SZT2: variants seen among roughly 807,000 people sequenced by gnomAD.
SZT2 encodes the protein KICSTOR complex protein SZT2.
A neutral mutation model predicts 404.2 loss-of-function variants in SZT2; 216 were observed. That is an observed-to-expected ratio of 0.53 (90% CI 0.48 to 0.60). The LOEUF (loss-of-function observed/expected upper bound fraction) is 0.60, where lower values mean the gene tolerates loss of function less well. SZT2 is among the 20% of genes least tolerant of loss of function. The probability of loss-of-function intolerance (pLI) is 0.00; values close to 1 mark genes in which losing one functional copy is unlikely to be tolerated. For missense variants in SZT2, 3,857 were observed against 4,459.2 expected, an observed-to-expected ratio of 0.86 and a Z score of 3.85; for synonymous variants, 1,693 against 1,749.9, an observed-to-expected ratio of 0.97 and a Z score of 0.81.
At chr1:43,392,224 A>ATT (rs772335194) in intron 1 of SZT2, among the ~76,000 whole-genome samples, 1 of 151,518 alleles carries the variant, frequency 6.6e-6, no homozygotes, top group African/African-American at 2.4e-5. Flanking sequence ...GATATTTAAC[A>ATT]TTTTTTTTGG....
At chr1:43,413,832 G>A (rs938691186) in intron 4 of SZT2, among the ~76,000 whole-genome samples, 12 of 152,214 alleles carry the variant, frequency 7.9e-5, no homozygotes, top group Non-Finnish European at 1.5e-4. Context: ...TGGAAGGGGA[G>A]ATGGTTAATG....
rs1653018614 is a variant in SZT2 at position 43,425,381 on chromosome 1, C to T, written c.2646-93C>T. On this transcript the variant is annotated intron_variant, in intron 18 of 71. Coordinates refer to ENST00000634258, the MANE Select transcript of SZT2 (RefSeq NM_001365999.1). This position sits in a 1 kb window ranked among gnomAD's most constrained non-coding sequence, Gnocchi z 4.3. ...TGGTCTGGGAAGGCCTTGTATGACT[C>T]GTGGCTGTCCTCTGTGCCTGCCTCC... 9 of 1,562,624 alleles carry T rather than the reference C, an allele frequency of 5.8e-6. No homozygotes were observed. Among genetic ancestry groups the T allele is most frequent in the Middle Eastern group, 1.7e-4 (1 of 5,830 alleles).
chr1:43,451,415 G>A lies in SZT2; in HGVS notation c.*935G>A, dbSNP rs573479000. 2 of 1,612,772 alleles carry A rather than the reference G, an allele frequency of 1.2e-6. No homozygotes were observed. Among genetic ancestry groups the A allele is most frequent in the African/African-American group, 2.7e-5 (2 of 75,064 alleles). On this transcript the variant is annotated 3_prime_UTR_variant, in exon 72 of 72. Coordinates refer to ENST00000634258, the MANE Select transcript of SZT2 (RefSeq NM_001365999.1). ...TCCCCAGGGCCACGCCTCACCTCGA[G>A]GCTGATACTCACAGCCCACGAAGCC...
Position 43,447,652 on chromosome 1 carries a change from G to C in SZT2, c.9394G>C (p.Gly3132Arg). Residue 3132 changes from glycine (G) to arginine (R), a missense_variant, in exon 67 of 72, where the codon GGG becomes CGG. This residue lies in a region of SZT2 where 717 missense variants were observed against 868.2 expected (regional missense o/e 0.83). Coordinates refer to ENST00000634258, the MANE Select transcript of SZT2 (RefSeq NM_001365999.1). Reference sequence around the variant, plus strand: ...GAAGCCATTGCGAATGGCCCGGCCAGGGGGCCCAGAACACAACGAGTATGC... The same window carrying C: ...GAAGCCATTGCGAATGGCCCGGCCACGGGGCCCAGAACACAACGAGTATGC... ...HMKPLRMARP[G>R]GPEHNEYALV... 1.2e-6 allele frequency: 2 copies of C among 1,614,182 alleles called. No individual in the cohort carries two copies. Among genetic ancestry groups the C allele is most frequent in the Non-Finnish European group, 1.7e-6 (2 of 1,180,038 alleles).
Position 43,439,153 on chromosome 1 carries a change from C to G in SZT2, c.6792+60C>G. 1 of 1,606,194 alleles carries G rather than the reference C, an allele frequency of 6.2e-7. No individual in the cohort carries two copies. The highest frequency in any genetic ancestry group is 1.7e-4 in the Middle Eastern group (1 of 6,038). ...GCACCCCTGCCCCCTGCCCCACGCA[C>G]TTACTCTTTCCTACCGATACCCCTA... On this transcript the variant is annotated intron_variant, in intron 48 of 71. Transcript: ENST00000634258. The surrounding 1 kb of genome is among the most constrained non-coding windows in gnomAD (Gnocchi z 4.2).
rs1447830564 is a variant in SZT2, at chr1:43,442,911, T to G, written c.8244T>G (p.Ser2748Arg). 1 of 1,613,992 alleles carries G rather than the reference T, an allele frequency of 6.2e-7. No homozygotes were observed. The highest frequency in any genetic ancestry group is 1.6e-4 in the Middle Eastern group (1 of 6,062). Reference protein sequence around the residue: ...PPLSREQGRLSGSSRGGGPLP... With the variant: ...PPLSREQGRLRGSSRGGGPLP... ...TGAGCCGTGAGCAGGGCCGACTGAG[T>G]GGGTCCTCTCGTGGTGGGGGTCCTC... is the stretch of plus-strand genomic sequence containing the variant. Residue 2748 changes from serine (S) to arginine (R), a missense_variant, in exon 59 of 72, where the codon AGT becomes AGG. By Grantham distance (110) the Ser-to-Arg change is moderately radical. Coordinates refer to ENST00000634258, the MANE Select transcript of SZT2 (RefSeq NM_001365999.1). The surrounding 1 kb of genome is among the most constrained non-coding windows in gnomAD (Gnocchi z 4.5).
Position 43,439,166 on chromosome 1 carries a change from A to G in SZT2, c.6792+73A>G. 6.3e-7 allele frequency: 1 copy of G among 1,596,656 alleles called. No individual in the cohort carries two copies. The highest frequency in any genetic ancestry group is 8.6e-7 in the Non-Finnish European group (1 of 1,168,026). Reference sequence around the variant, plus strand: ...CTGCCCCACGCACTTACTCTTTCCTACCGATACCCCTATATGTACCTTTGC... The same window carrying G: ...CTGCCCCACGCACTTACTCTTTCCTGCCGATACCCCTATATGTACCTTTGC... On this transcript the variant is annotated intron_variant, in intron 48 of 71. Coordinates refer to ENST00000634258, the MANE Select transcript of SZT2 (RefSeq NM_001365999.1). The surrounding 1 kb of genome is among the most constrained non-coding windows in gnomAD (Gnocchi z 4.2).
rs1292613185 is a variant in SZT2 at position 43,422,786 on chromosome 1, C to A, written c.1940C>A (p.Pro647His). The A allele has an allele frequency of 1.3e-5, 20 of 1,590,238 alleles. No homozygotes were observed. Among genetic ancestry groups the A allele is most frequent in the Non-Finnish European group, 1.4e-5 (16 of 1,176,270 alleles). The change falls in exon 14 of 72, where the codon CCC (proline) becomes CAC (histidine). Residue 647 changes from proline to histidine, a missense_variant. Coordinates refer to ENST00000634258, the MANE Select transcript of SZT2 (RefSeq NM_001365999.1). ...CTCCCCAGTGCCCCAGACCAGCCCC[C>A]CAATTCCTTCTACATGGTCCGTATC... Reference protein sequence around the residue: ...KLLSSAPDQPPNSFYMVRIIS... With the variant: ...KLLSSAPDQPHNSFYMVRIIS...
In SZT2 at chr1:43,427,993, C is replaced by A; in HGVS notation, c.3804-10C>A. 6.2e-7 allele frequency: 1 copy of A among 1,611,066 alleles called. No individual in the cohort carries two copies. Among genetic ancestry groups the A allele is most frequent in the Non-Finnish European group, 8.5e-7 (1 of 1,177,520 alleles). On this transcript the variant is annotated splice_polypyrimidine_tract_variant and intron_variant, in intron 26 of 71. Transcript: ENST00000634258. ...AGTTGGTCAAGTTCCATTTTCCCTTCGTTTCCTAGGACTCAGTTCCTCGAC... is the reference window on the plus strand; with the variant it reads ...AGTTGGTCAAGTTCCATTTTCCCTTAGTTTCCTAGGACTCAGTTCCTCGAC...
intron 4 of SZT2, among the ~76,000 whole-genome samples, chr1:43,412,954 A>G (rs941010343): frequency 6.6e-5 from 10 of 152,358 alleles, no homozygotes; most frequent in Non-Finnish European, 1.5e-4. Context: ...GAAAACTGCA[A>G]TGAGGTATCA....
intron 41 of SZT2, 58 bp downstream of exon 41, chr1:43,434,543 A>G (rs917444733): frequency 4.0e-5 from 57 of 1,424,946 alleles, no homozygotes; most frequent in Non-Finnish European, 5.4e-5. Flanking sequence ...CCAAATTTCT[A>G]AGAACTTGAT....
At position 43,442,195 on chromosome 1, in the gene SZT2, C is replaced by T. The variant is rs1325295419; in HGVS notation, c.7873+65C>T. On this transcript the variant is annotated intron_variant, in intron 56 of 71. Coordinates refer to ENST00000634258, the MANE Select transcript of SZT2 (RefSeq NM_001365999.1). The surrounding 1 kb of genome is among the most constrained non-coding windows in gnomAD (Gnocchi z 4.5). ...AAGAGTAACTGGTGGGGTCTCCAACCTTGCAGAGGGGAGGGTGGGATCAAG... is the reference window on the plus strand; with the variant it reads ...AAGAGTAACTGGTGGGGTCTCCAACTTTGCAGAGGGGAGGGTGGGATCAAG... The T allele has an allele frequency of 3.1e-6, 5 of 1,599,712 alleles. No homozygotes were observed. The highest frequency in any genetic ancestry group is 1.7e-4 in the Middle Eastern group (1 of 6,012).
At position 43,442,940 on chromosome 1, in the gene SZT2, C is replaced by A; in HGVS notation, c.8273C>A (p.Pro2758His). The change falls in exon 59 of 72, where the codon CCC (proline) becomes CAC (histidine). Residue 2758 changes from proline to histidine, a missense_variant. This residue lies in a region of SZT2 where 573 missense variants were observed against 592.4 expected (regional missense o/e 0.97). Coordinates refer to ENST00000634258, the MANE Select transcript of SZT2 (RefSeq NM_001365999.1). The surrounding 1 kb of genome is among the most constrained non-coding windows in gnomAD (Gnocchi z 4.5). Reference protein sequence around the residue: ...SGSSRGGGPLPLDTFPFDEAL... With the variant: ...SGSSRGGGPLHLDTFPFDEAL... ...TCCTCTCGTGGTGGGGGTCCTCTTC[C>A]CCTGGACACATTCCCCTTTGACGAG... 2 of 1,614,128 alleles carry A rather than the reference C, an allele frequency of 1.2e-6. No homozygotes were observed. Among genetic ancestry groups the A allele is most frequent in the Non-Finnish European group, 1.7e-6 (2 of 1,179,986 alleles).
In SZT2 at chr1:43,428,407, C is replaced by G. The variant is rs776911159; in HGVS notation, c.4087C>G (p.Leu1363Val). 2 of 1,614,084 alleles carry G rather than the reference C, an allele frequency of 1.2e-6. No homozygotes were observed. Among genetic ancestry groups the G allele is most frequent in the African/African-American group, 1.3e-5 (1 of 74,926 alleles). The change falls in exon 28 of 72, where the codon CTC becomes GTC. Residue 1363 changes from leucine (L) to valine (V), a missense_variant. Leu to Val is a conservative substitution (Grantham distance 32). Transcript: ENST00000634258. ...LPHAPPSPGP[L>V]SPGPFSSSME... ...TCATGCACCCCCAAGTCCTGGTCCT[C>G]TCAGCCCTGGGCCCTTCAGCAGCAG...
In SZT2 at chr1:43,453,515, C is replaced by T. The variant is rs777135303; in HGVS notation, c.*3035C>T. 1.3e-6 allele frequency: 2 copies of T among 1,538,906 alleles called. No individual in the cohort carries two copies. The highest frequency in any genetic ancestry group is 1.2e-5 in the South Asian group (1 of 82,594). On this transcript the variant is annotated 3_prime_UTR_variant, in exon 72 of 72. Transcript: ENST00000634258. ...TTGGTCTCCTGCAGAGAGAACGGGC[C>T]TCAGCCCCCGGCTCGGACACTCCCC...
Position 43,441,883 on chromosome 1 carries a change from G to T in SZT2, c.7742+65G>T. Reference sequence around the variant, plus strand: ...GACTTCCTAAAAGCTGGGCCTACAGGAAGCCAAACCTGAGGAAGCTGAGCT... The same window carrying T: ...GACTTCCTAAAAGCTGGGCCTACAGTAAGCCAAACCTGAGGAAGCTGAGCT... On this transcript the variant is annotated intron_variant, in intron 55 of 71. Coordinates refer to ENST00000634258, the MANE Select transcript of SZT2 (RefSeq NM_001365999.1). The surrounding 1 kb of genome is among the most constrained non-coding windows in gnomAD (Gnocchi z 4.8). The T allele has an allele frequency of 6.2e-7, 1 of 1,601,894 alleles. No individual in the cohort carries two copies. The highest frequency in any genetic ancestry group is 8.5e-7 in the Non-Finnish European group (1 of 1,170,898).
rs767336909 is a variant in SZT2 at position 43,419,881 on chromosome 1, C to G, written c.1027C>G (p.Arg343Gly). The G allele has an allele frequency of 6.3e-7, 1 of 1,598,428 alleles. No homozygotes were observed. The highest frequency in any genetic ancestry group is 8.5e-7 in the Non-Finnish European group (1 of 1,179,774). Residue 343 changes from arginine (R) to glycine (G), a missense_variant, in exon 8 of 72, where the codon CGG becomes GGG. Physicochemically the swap from Arg to Gly is moderately radical, Grantham distance 125 (BLOSUM62 -2). Around this residue, in one of 7 missense-constraint regions of SZT2, gnomAD observed 536 missense variants for 637.4 expected, o/e 0.84. Coordinates refer to ENST00000634258, the MANE Select transcript of SZT2 (RefSeq NM_001365999.1). Reference sequence around the variant, plus strand: ...CAACCTGGGTCTGACTGTCTACCACCGGGCATTTCTCCTCTATTCCTTCCT... The same window carrying G: ...CAACCTGGGTCTGACTGTCTACCACGGGGCATTTCTCCTCTATTCCTTCCT... Reference protein sequence around the residue: ...PGNLGLTVYHRAFLLYSFLRS... With the variant: ...PGNLGLTVYHGAFLLYSFLRS...
Position 43,448,140 on chromosome 1 carries a change from A to C in SZT2, c.9625A>C (p.Met3209Leu), listed in dbSNP as rs1398070396. The change falls in exon 69 of 72, where the codon ATG becomes CTG. Residue 3209 changes from methionine to leucine, a missense_variant. Coordinates refer to ENST00000634258, the MANE Select transcript of SZT2 (RefSeq NM_001365999.1). This position sits in a 1 kb window ranked among gnomAD's most constrained non-coding sequence, Gnocchi z 4.2. ...GCTCTTCCCCAGGCTCACTGCTGAC[A>C]TGCGCCGCTTCCGGAAGCCACCCAG... ...RELFPRLTAD[M>L]RRFRKPPRLP... is the part of the protein sequence containing the mutation. The C allele has an allele frequency of 1.2e-6, 2 of 1,609,282 alleles. No individual in the cohort carries two copies. The highest frequency in any genetic ancestry group is 1.7e-6 in the Non-Finnish European group (2 of 1,177,090).
chr1:43,421,662 A>G (rs2153932375), intron 11 of SZT2, among the ~76,000 whole-genome samples: 1 of 152,226 alleles, frequency 6.6e-6, no homozygotes, highest in East Asian at 1.9e-4. Flanking sequence ...GCCACCATGA[A>G]CTGTGTACTC....
Sources: gnomAD v4.1 joint callset for allele counts (sites outside exome capture counted in the v4.1 genomes callset) on GRCh38, gnomAD v4.1.1 for gene constraint, gnomAD v4.1.1 regional missense constraint, Gnocchi (gnomAD v3.1) non-coding constraint, MANE v1.5 for transcripts, NCBI Gene and HGNC (gene_info 2026-07-23, HGNC 2026-07-21) for gene names.